The following PRKG1 variants were observed in gnomAD, a reference collection of about 807,000 sequenced individuals.
The protein encoded by PRKG1 is cGMP-dependent protein kinase 1.
PRKG1 carries 35 observed loss-of-function variants against 88.1 expected under a neutral mutation model. The ratio of observed to expected loss-of-function variants is 0.40; its 90% CI spans 0.30 to 0.53. PRKG1 has a LOEUF of 0.53. PRKG1 is among the 20% of genes least tolerant of loss of function. PRKG1 has a pLI of 0.59. For synonymous variants in PRKG1, 303 were observed against 292.5 expected (o/e 1.04, Z -0.37); for missense variants, 540 against 839.8 (o/e 0.64, Z 4.41).
intron 3 of PRKG1, among the ~76,000 whole-genome samples, chr10:51,610,132 G>A (rs949546616): frequency 6.6e-6 from 1 of 152,080 alleles, no homozygotes; most frequent in Non-Finnish European, 1.5e-5. Flanking sequence ...TGTATGTTTT[G>A]GGTATATTGC....
intron 2 of PRKG1, among the ~76,000 whole-genome samples, chr10:51,362,052 G>T (rs1253383101): frequency 6.6e-6 from 1 of 151,778 alleles, no homozygotes; most frequent in Non-Finnish European, 1.5e-5. Context: ...AAGTATAAGG[G>T]TTACATAATT....
intron 2 of PRKG1, among the ~76,000 whole-genome samples, chr10:51,167,442 G>A (rs1240118046): frequency 6.6e-6 from 1 of 152,184 alleles, no homozygotes; most frequent in African/African-American, 2.4e-5. Context: ...TAAGTAGACT[G>A]CTTTTCTAAG....
intron 3 of PRKG1, among the ~76,000 whole-genome samples, chr10:51,646,409 T>A (rs559905093): frequency 1.5e-4 from 23 of 152,168 alleles, no homozygotes; most frequent in Admixed American, 4.6e-4. Context: ...CTCTTTTTCA[T>A]CTTTGTCCTT....
At chr10:52,011,344 T>A (rs1042683921) in intron 5 of PRKG1, among the ~76,000 whole-genome samples, 22 of 152,238 alleles carry the variant, frequency 1.4e-4, no homozygotes, top group Admixed American at 2.0e-4. Flanking sequence ...TATGGCCTTC[T>A]TCAACTATTT....
At chr10:51,881,992 C>T (rs1417033790) in intron 4 of PRKG1, among the ~76,000 whole-genome samples, 1 of 152,098 alleles carries the variant, frequency 6.6e-6, no homozygotes, top group African/African-American at 2.4e-5. Context: ...AGTCATAGTT[C>T]TTTCATCTTT....
At chr10:52,089,835 G>T (rs573759862) in intron 7 of PRKG1, among the ~76,000 whole-genome samples, 4 of 71,408 alleles carry the variant, frequency 5.6e-5, no homozygotes, top group Non-Finnish European at 6.9e-5. Context: ...TTTTGAGATG[G>T]AGTCTTGCTC....
At chr10:51,974,399 C>G (rs912784883) in intron 5 of PRKG1, among the ~76,000 whole-genome samples, 1 of 152,136 alleles carries the variant, frequency 6.6e-6, no homozygotes, top group Non-Finnish European at 1.5e-5. Context: ...AAGAAAGGAT[C>G]ATCCTGGAAT....
intron 9 of PRKG1, among the ~76,000 whole-genome samples, chr10:52,204,332 C>T (rs2132784639): frequency 6.6e-6 from 1 of 152,104 alleles, no homozygotes; most frequent in Middle Eastern, 3.4e-3. Flanking sequence ...ATGATCTGCC[C>T]ACCTCGGCCT....
At chr10:51,304,872 A>G (rs887291547) in intron 2 of PRKG1, among the ~76,000 whole-genome samples, 2 of 152,024 alleles carry the variant, frequency 1.3e-5, no homozygotes, top group African/African-American at 4.8e-5. Context: ...TATCTTACAG[A>G]TGAAGAAATG....
chr10:52,150,166 A>AT (rs1309102705), intron 8 of PRKG1, among the ~76,000 whole-genome samples: 33 of 140,302 alleles, frequency 2.4e-4, no homozygotes, highest in African/African-American at 8.0e-4. Flanking sequence ...AATAATAATA[A>AT]TAATAATAAT....
chr10:51,711,111 T>G (rs1841738072), intron 3 of PRKG1, among the ~76,000 whole-genome samples: 1 of 152,156 alleles, frequency 6.6e-6, no homozygotes, highest in African/African-American at 2.4e-5. Flanking sequence ...AGCTGACCTT[T>G]TTAATTTTTT....
intron 1 of PRKG1, among the ~76,000 whole-genome samples, chr10:51,134,176 CT>C (rs1282799347): frequency 1.3e-5 from 2 of 152,154 alleles, no homozygotes. Flanking sequence ...ACTATTTGTA[CT>C]TTTAAAAACT....
At chr10:51,558,700 C>T (rs529123655) in intron 3 of PRKG1, among the ~76,000 whole-genome samples, 2 of 152,158 alleles carry the variant, frequency 1.3e-5, no homozygotes, top group African/African-American at 4.8e-5. Context: ...AAAACAAGTA[C>T]TTGTTCCTAT....
At chr10:51,536,721 A>T (rs1407316261) in intron 3 of PRKG1, among the ~76,000 whole-genome samples, 6 of 151,744 alleles carry the variant, frequency 4.0e-5, no homozygotes, top group Non-Finnish European at 8.8e-5. Flanking sequence ...ACATATGTAT[A>T]CATGTGCCAT....
rs117832417 is a variant in PRKG1 at position 52,027,680 on chromosome 10, C to G, written c.763-26804C>G. ...TGACTTGCTGCTTTGGAAAATGTGTCCCTTAGTCTGGTTAATTAAAATGGT... is the reference window on the plus strand; with the variant it reads ...TGACTTGCTGCTTTGGAAAATGTGTGCCTTAGTCTGGTTAATTAAAATGGT... On this transcript the variant is annotated intron_variant, in intron 5 of 17. Transcript: ENST00000373980. 7.1e-4 allele frequency among the ~76,000 whole-genome samples: 108 copies of G among 152,148 alleles called. 2 individuals carry two copies. In the East Asian group the frequency reaches 0.018, roughly 25 times the overall value.
intron 5 of PRKG1, among the ~76,000 whole-genome samples, chr10:52,004,182 C>T (rs1564747410): frequency 6.6e-6 from 1 of 152,150 alleles, no homozygotes; most frequent in Non-Finnish European, 1.5e-5. Context: ...ATTCTCCTCA[C>T]AAACCACTTT....
At chr10:51,590,265 T>G (rs1838277936) in intron 3 of PRKG1, among the ~76,000 whole-genome samples, 2 of 152,168 alleles carry the variant, frequency 1.3e-5, no homozygotes, top group East Asian at 3.9e-4. Flanking sequence ...CTTTCCTTCT[T>G]TGTCTTCCTA....
intron 3 of PRKG1, among the ~76,000 whole-genome samples, chr10:51,604,706 C>G (rs566720009): frequency 1.3e-5 from 2 of 152,190 alleles, no homozygotes; most frequent in African/African-American, 4.8e-5. Flanking sequence ...TTCTTCGGTG[C>G]CCACTGCTCA....
chr10:51,396,405 A>G (rs1453663366), intron 2 of PRKG1, among the ~76,000 whole-genome samples: 2 of 152,146 alleles, frequency 1.3e-5, no homozygotes, highest in Admixed American at 6.5e-5. Flanking sequence ...GAAAAAAAAA[A>G]AGAGAGAGAA....
Sources: gnomAD v4.1 joint callset for allele counts (sites outside exome capture counted in the v4.1 genomes callset) on GRCh38, gnomAD v4.1.1 for gene constraint, MANE v1.5 for transcripts, NCBI Gene and HGNC (gene_info 2026-07-23, HGNC 2026-07-21) for gene names.